The following GPC5 variants were observed in gnomAD, a reference collection of about 807,000 sequenced individuals.
GPC5 encodes the protein glypican 5, also known as glypican-5.
GPC5 carries 47 observed loss-of-function variants against 53.9 expected under a neutral mutation model. The ratio of observed to expected loss-of-function variants is 0.87; its 90% CI spans 0.69 to 1.11. The LOEUF is 1.11. GPC5 is among the 50% of genes most tolerant of loss of function. The pLI, the probability that GPC5 is intolerant of heterozygous loss-of-function variation, is 0.00. For synonymous variants in GPC5, 286 were observed against 263.3 expected (o/e 1.09, Z -0.84); for missense variants, 748 against 713.1 (o/e 1.05, Z -0.56).
At chr13:92,836,916 G>T (rs1355886871) in intron 7 of GPC5, among the ~76,000 whole-genome samples, 1 of 151,878 alleles carries the variant, frequency 6.6e-6, no homozygotes, top group South Asian at 2.1e-4. Context: ...AACAGAAAAG[G>T]CCTTAAAAGG....
At chr13:92,183,029 T>C (rs1262523776) in intron 7 of GPC5, among the ~76,000 whole-genome samples, 1 of 152,184 alleles carries the variant, frequency 6.6e-6, no homozygotes, top group African/African-American at 2.4e-5. Flanking sequence ...TGTTTTATGA[T>C]ATATACTAGT....
chr13:92,517,429 C>G (rs963656105), intron 7 of GPC5, among the ~76,000 whole-genome samples: 4 of 152,318 alleles, frequency 2.6e-5, no homozygotes, highest in African/African-American at 9.6e-5. Context: ...AACTGGGAGG[C>G]ACCTCCAAGT....
intron 2 of GPC5, among the ~76,000 whole-genome samples, chr13:91,626,027 TAACA>T (rs923329040): frequency 4.6e-5 from 2 of 43,802 alleles, no homozygotes; most frequent in African/African-American, 7.5e-5. Context: ...GCCCTACTAA[TAACA>T]AACAATGTAT....
chr13:91,469,578 T>G (rs111347443), intron 2 of GPC5, among the ~76,000 whole-genome samples: 12,717 of 152,102 alleles, frequency 0.084, 733 homozygotes, highest in South Asian at 0.19. Flanking sequence ...TCATATAAGT[T>G]TCAAAAATTT....
chr13:92,675,747 G>T (rs1886917133), intron 7 of GPC5, among the ~76,000 whole-genome samples: 2 of 152,068 alleles, frequency 1.3e-5, no homozygotes, highest in African/African-American at 4.8e-5. Context: ...ATTGTAAATG[G>T]TGTAAGTCTT....
intron 7 of GPC5, among the ~76,000 whole-genome samples, chr13:92,756,281 C>T (rs942095283): frequency 6.6e-6 from 1 of 151,866 alleles, no homozygotes; most frequent in African/African-American, 2.4e-5. Flanking sequence ...AATTCAACAA[C>T]CCTTCATGCT....
At chr13:92,597,541 C>T (rs557884142) in intron 7 of GPC5, among the ~76,000 whole-genome samples, 11 of 151,872 alleles carry the variant, frequency 7.2e-5, no homozygotes, top group African/African-American at 1.9e-4. Flanking sequence ...CTGGGTGGTG[C>T]GTGGAGGAAT....
chr13:92,183,521 A>C (rs1474160777), intron 7 of GPC5, among the ~76,000 whole-genome samples: 1 of 152,210 alleles, frequency 6.6e-6, no homozygotes, highest in Non-Finnish European at 1.5e-5. Context: ...ATCCTGATTT[A>C]ATTACTAAAA....
At chr13:91,958,918 C>G (rs965949228) in intron 6 of GPC5, among the ~76,000 whole-genome samples, 1 of 151,914 alleles carries the variant, frequency 6.6e-6, no homozygotes, top group African/African-American at 2.4e-5. Flanking sequence ...ACACCTACAT[C>G]AGAAAAACCA....
chr13:92,473,471 G>A (rs1430440980), intron 7 of GPC5, among the ~76,000 whole-genome samples: 2 of 152,088 alleles, frequency 1.3e-5, no homozygotes, highest in African/African-American at 2.4e-5. Context: ...GGTCTGGTGT[G>A]CTGACCAAAT....
At chr13:92,487,105 C>A (rs1879584192) in intron 7 of GPC5, among the ~76,000 whole-genome samples, 1 of 152,270 alleles carries the variant, frequency 6.6e-6, no homozygotes, top group African/African-American at 2.4e-5. Context: ...ATCTGCCTGC[C>A]TCAGCCTCCC....
In GPC5 at chr13:92,264,235, TAAC is replaced by T. The variant is rs201402772; in HGVS notation, c.1561+119249_1561+119251del. On this transcript the variant is annotated intron_variant, in intron 7 of 7. Coordinates refer to ENST00000377067, the MANE Select transcript of GPC5 (RefSeq NM_004466.6). ...GAGAGTAAATATACTAATATACTAA[TAAC>T]AAGAAAATTAATAAATGAAACAAGA... Among the ~76,000 whole-genome samples the T allele has an allele frequency of 2.7e-3, 406 of 152,188 alleles. 2 individuals carry two copies. The highest frequency in any genetic ancestry group is 9.1e-3 in the African/African-American group (378 of 41,534).
chr13:91,557,384 T>G (rs1272498433), intron 2 of GPC5, among the ~76,000 whole-genome samples: 1 of 152,144 alleles, frequency 6.6e-6, no homozygotes, highest in African/African-American at 2.4e-5. Flanking sequence ...ACTTTCCCTT[T>G]CATTGTTTAC....
Position 92,047,806 on chromosome 13 carries a change from T to TAAA in GPC5, c.1402-97005_1402-97003dup, listed in dbSNP as rs35020183. Reference sequence around the variant, plus strand: ...TAACATGGTGAAACTCTGTCTCTACTAAAAAAAAAAAAAAAAAAAAAGAAA... The same window carrying TAAA: ...TAACATGGTGAAACTCTGTCTCTACTAAAAAAAAAAAAAAAAAAAAAAAAGAAA... On this transcript the variant is annotated intron_variant, in intron 6 of 7. Coordinates refer to ENST00000377067, the MANE Select transcript of GPC5 (RefSeq NM_004466.6). Among the ~76,000 whole-genome samples the TAAA allele has an allele frequency of 4.5e-4, 44 of 98,708 alleles. 1 individual carries two copies. Among genetic ancestry groups the TAAA allele is most frequent in the East Asian group, 1.6e-3 (5 of 3,186 alleles). The allele number at this position is 98,708 out of a possible 152,430, so 64.8% of individuals were successfully genotyped here.
In GPC5 at chr13:92,461,010, G is replaced by T. The variant is rs138653442; in HGVS notation, c.1561+316021G>T. Among the ~76,000 whole-genome samples the T allele has an allele frequency of 2.6e-5, 4 of 152,098 alleles. No individual in the cohort carries two copies. The East Asian group carries it at 5.8e-4, about 22-fold the overall frequency. ...AGATGTTACATGGAAAGAAACATTGGGTTTTAAAAATAGATGAGTAAGACT... is the reference window on the plus strand; with the variant it reads ...AGATGTTACATGGAAAGAAACATTGTGTTTTAAAAATAGATGAGTAAGACT... On this transcript the variant is annotated intron_variant, in intron 7 of 7. Transcript: ENST00000377067.
chr13:91,602,630 AC>A (rs1266118140), intron 2 of GPC5, among the ~76,000 whole-genome samples: 1 of 152,348 alleles, frequency 6.6e-6, no homozygotes, highest in Admixed American at 6.5e-5. Flanking sequence ...TATGCAGATC[AC>A]AAAAAGATTG....
chr13:91,912,876 C>A (rs1220342708), intron 6 of GPC5, among the ~76,000 whole-genome samples: 1 of 151,964 alleles, frequency 6.6e-6, no homozygotes, highest in Non-Finnish European at 1.5e-5. Flanking sequence ...TACATATTGC[C>A]ACGTTTTTCT....
chr13:92,108,485 G>C (rs2041527508), intron 6 of GPC5, among the ~76,000 whole-genome samples: 2 of 152,236 alleles, frequency 1.3e-5, no homozygotes, highest in African/African-American at 4.8e-5. Flanking sequence ...AGGCCTTTGA[G>C]CTCCAGTGTC....
chr13:92,725,557 G>A (rs113264136), intron 7 of GPC5, among the ~76,000 whole-genome samples: 1 of 151,532 alleles, frequency 6.6e-6, no homozygotes, highest in Non-Finnish European at 1.5e-5. Flanking sequence ...TTTATCTTTA[G>A]AAATTATCCC....
Sources: allele counts gnomAD v4.1 joint callset (sites outside exome capture counted in the v4.1 genomes callset), GRCh38; gene constraint gnomAD v4.1.1; transcripts MANE v1.5; gene names NCBI Gene and HGNC (gene_info 2026-07-23, HGNC 2026-07-21).